Variants in KCNH7 observed in about 807,000 individuals in gnomAD.
KCNH7 encodes the protein potassium voltage-gated channel subfamily H member 7, also known as voltage-gated inwardly rectifying potassium channel KCNH7.
Under a neutral mutation model 120.8 loss-of-function variants are expected in KCNH7, and 49 were observed. The observed-to-expected ratio is 0.41, with a 90% confidence interval of 0.32 to 0.51. The LOEUF is 0.51. KCNH7 is among the 20% of genes least tolerant of loss of function. KCNH7 has a pLI of 0.38. For missense variants in KCNH7, 1,097 were observed against 1,446.6 expected (o/e 0.76, Z 3.92); for synonymous variants, 547 against 516.1 (o/e 1.06, Z -0.81).
Position 162,649,196 on chromosome 2 carries a change from A to G in KCNH7, c.308-112116T>C, listed in dbSNP as rs891444822. On this transcript the variant is annotated intron_variant, in intron 2 of 15. Coordinates refer to ENST00000332142, the MANE Select transcript of KCNH7 (RefSeq NM_033272.4). Reference sequence around the variant, plus strand: ...ATTCAACAGGAAACCTCAGAGAAAGAGCATGTTCTTTGTTATGCATGAATG... The same window carrying G: ...ATTCAACAGGAAACCTCAGAGAAAGGGCATGTTCTTTGTTATGCATGAATG... Among the ~76,000 whole-genome samples the G allele has an allele frequency of 3.3e-5, 5 of 152,210 alleles. No homozygotes were observed. The South Asian group carries it at 1.0e-3, about 31-fold the overall frequency.
chr2:162,511,646 A>T (rs1691077861), intron 5 of KCNH7, among the ~76,000 whole-genome samples: 1 of 151,686 alleles, frequency 6.6e-6, no homozygotes, highest in South Asian at 2.1e-4. Context: ...TAGGTTGCTG[A>T]CCAAACATTT....
At chr2:162,587,535 A>G (rs1559031160) in intron 2 of KCNH7, among the ~76,000 whole-genome samples, 1 of 152,112 alleles carries the variant, frequency 6.6e-6, no homozygotes, top group South Asian at 2.1e-4. Flanking sequence ...TTAAAAAAAT[A>G]TAAGATAGCA....
At chr2:162,485,636 G>C (rs1331899321) in intron 6 of KCNH7, among the ~76,000 whole-genome samples, 1 of 152,118 alleles carries the variant, frequency 6.6e-6, no homozygotes, top group African/African-American at 2.4e-5. Flanking sequence ...TCTGAACGTA[G>C]TAAGAAAAAG....
chr2:162,577,117 G>A (rs1471424654), intron 2 of KCNH7, among the ~76,000 whole-genome samples: 1 of 151,610 alleles, frequency 6.6e-6, no homozygotes, highest in East Asian at 2.0e-4. Flanking sequence ...ATTGGGTCTT[G>A]CTCTGTTGTT....
chr2:162,579,460 G>A (rs192371021), intron 2 of KCNH7, among the ~76,000 whole-genome samples: 3 of 152,068 alleles, frequency 2.0e-5, no homozygotes, highest in Non-Finnish European at 2.9e-5. Flanking sequence ...CTTGATCCTC[G>A]GCTATGTCAA....
chr2:162,488,476 T>C (rs1241409615), intron 6 of KCNH7, among the ~76,000 whole-genome samples: 2 of 152,176 alleles, frequency 1.3e-5, no homozygotes, highest in South Asian at 2.1e-4. Flanking sequence ...AATCAGGCCA[T>C]CCAGAGGCAA....
intron 2 of KCNH7, among the ~76,000 whole-genome samples, chr2:162,756,629 T>C (rs536782919): frequency 2.0e-4 from 30 of 152,236 alleles, no homozygotes; most frequent in Middle Eastern, 3.4e-3. Context: ...CATGCCTGGT[T>C]AATTTTTGTT....
In KCNH7 at chr2:162,791,077, A is replaced by G. The variant is rs1356967566; in HGVS notation, c.307+45460T>C. Among the ~76,000 whole-genome samples the G allele has an allele frequency of 3.9e-5, 6 of 152,146 alleles. No homozygotes were observed. In the East Asian group the frequency reaches 7.7e-4, roughly 20 times the overall value. On this transcript the variant is annotated intron_variant, in intron 2 of 15. Transcript: ENST00000332142. ...ATCTTATATAAAGAACACCCTAAAGACTATACCAACAAATCTGTTAAAACC... is the reference window on the plus strand; with the variant it reads ...ATCTTATATAAAGAACACCCTAAAGGCTATACCAACAAATCTGTTAAAACC...
At chr2:162,381,598 G>T (rs1285898701) in intron 13 of KCNH7, among the ~76,000 whole-genome samples, 1 of 152,108 alleles carries the variant, frequency 6.6e-6, no homozygotes, top group Admixed American at 6.6e-5. Context: ...TCCAAAGTCA[G>T]CATTAGAAAA....
intron 2 of KCNH7, chr2:162,797,688 A>G (rs1363226449): frequency 6.6e-6 from 1 of 151,784 alleles, no homozygotes. Flanking sequence ...GCAGATCTCC[A>G]AACACCAGAG....
chr2:162,511,480 CAAAA>C (rs34204046), intron 5 of KCNH7, among the ~76,000 whole-genome samples: 11 of 95,980 alleles, frequency 1.1e-4, no homozygotes, highest in Non-Finnish European at 1.3e-4. Context: ...GTGGACAGGT[CAAAA>C]AAAAAAAAAA....
At position 162,799,949 on chromosome 2, in the gene KCNH7, T is replaced by TACACACACACAC. The variant is rs3052920; in HGVS notation, c.307+36576_307+36587dup. Among the ~76,000 whole-genome samples, 775 of 146,412 alleles carry TACACACACACAC rather than the reference T, an allele frequency of 5.3e-3. 10 individuals carry two copies. The highest frequency in any genetic ancestry group is 0.018 in the African/African-American group (739 of 40,368). Reference sequence around the variant, plus strand: ...TATAAAGTACTTTGTTTTACACACATACACACACACACACACACACACACA... The same window carrying TACACACACACAC: ...TATAAAGTACTTTGTTTTACACACATACACACACACACACACACACACACACACACACACACA... On this transcript the variant is annotated intron_variant, in intron 2 of 15. Transcript: ENST00000332142.
intron 6 of KCNH7, among the ~76,000 whole-genome samples, chr2:162,501,544 C>G (rs1410547891): frequency 6.6e-6 from 1 of 152,032 alleles, no homozygotes; most frequent in Non-Finnish European, 1.5e-5. Flanking sequence ...TACTCATCAA[C>G]TGGGTAGCTT....
intron 2 of KCNH7, among the ~76,000 whole-genome samples, chr2:162,667,840 T>C (rs952152179): frequency 1.5e-4 from 23 of 152,226 alleles, no homozygotes; most frequent in African/African-American, 5.3e-4. Flanking sequence ...CCCTCTAGAA[T>C]ATACTAAGTT....
At chr2:162,683,573 C>A (rs777454806) in intron 2 of KCNH7, among the ~76,000 whole-genome samples, 8 of 151,766 alleles carry the variant, frequency 5.3e-5, no homozygotes, top group Admixed American at 3.3e-4. Flanking sequence ...TAATAAGAGA[C>A]ATTGGGTCAC....
At chr2:162,603,980 C>G (rs1214551391) in intron 2 of KCNH7, among the ~76,000 whole-genome samples, 1 of 152,036 alleles carries the variant, frequency 6.6e-6, no homozygotes, top group Non-Finnish European at 1.5e-5. Flanking sequence ...CTGTAATGTA[C>G]TGCAACTTCA....
At chr2:162,418,742 A>G (rs1227388346) in intron 9 of KCNH7, among the ~76,000 whole-genome samples, 2 of 152,178 alleles carry the variant, frequency 1.3e-5, no homozygotes, top group Non-Finnish European at 2.9e-5. Flanking sequence ...TAGAGAAACT[A>G]AAAGAGTTGT....
Position 162,810,176 on chromosome 2 carries a change from A to T in KCNH7, c.307+26361T>A, listed in dbSNP as rs1157188948. On this transcript the variant is annotated intron_variant, in intron 2 of 15. Coordinates refer to ENST00000332142, the MANE Select transcript of KCNH7 (RefSeq NM_033272.4). ...GTGATCCGCCCGCCTCGGCCTCCCA[A>T]AGTGCTGGGATTACAGGCGTGAGCC... Among the ~76,000 whole-genome samples the T allele has an allele frequency of 2.5e-4, 5 of 20,370 alleles. 1 individual carries two copies. Among genetic ancestry groups the T allele is most frequent in the East Asian group, 1.2e-3 (1 of 844 alleles). 13.4% of individuals were successfully genotyped at this position (20,370 alleles called of 152,430 possible).
At chr2:162,573,206 T>C (rs755536777) in intron 2 of KCNH7, among the ~76,000 whole-genome samples, 3 of 152,026 alleles carry the variant, frequency 2.0e-5, no homozygotes, top group African/African-American at 7.2e-5. Flanking sequence ...AATAGGATCA[T>C]GTGTAGAAAA....
Sources: gnomAD v4.1 joint callset for allele counts (sites outside exome capture counted in the v4.1 genomes callset) on GRCh38, gnomAD v4.1.1 for gene constraint, MANE v1.5 for transcripts, NCBI Gene and HGNC (gene_info 2026-07-23, HGNC 2026-07-21) for gene names.